The following ZNF48 variants were observed in gnomAD, a reference collection of about 807,000 sequenced individuals.
ZNF48 encodes the protein zinc finger protein 48, also known as zinc finger protein 553.
Under a neutral mutation model 40.0 loss-of-function variants are expected in ZNF48, and 20 were observed. The observed-to-expected ratio is 0.50, with a 90% confidence interval of 0.35 to 0.73. ZNF48 has a LOEUF of 0.73. ZNF48 is among the 30% of genes least tolerant of loss of function. The pLI is 0.01. For missense variants in ZNF48, 726 were observed against 851.9 expected (o/e 0.85, Z 1.84); for synonymous variants, 298 against 329.7 (o/e 0.90, Z 1.04).
chr16:30,398,070 C>G lies in ZNF48; in HGVS notation c.820C>G (p.Pro274Ala). Residue 274 changes from proline to alanine, a missense_variant, in exon 3 of 3, where the codon CCA becomes GCA. Physicochemically the swap from Pro to Ala is conservative, Grantham distance 27. This residue lies in a region of ZNF48 where 378 missense variants were observed against 449.1 expected (regional missense o/e 0.84). Transcript: ENST00000613509. This position sits in a 1 kb window ranked among gnomAD's most constrained non-coding sequence, Gnocchi z 6.6. ...CCAGGGACCGAAGGCCCAGGACAAG[C>G]CATATATCTGCACTGATTGCGGCAA... The part of the protein sequence containing the change: ...ATQGPKAQDK[P>A]YICTDCGKRF... 2 of 1,613,104 alleles carry G rather than the reference C, an allele frequency of 1.2e-6. No homozygotes were observed. The highest frequency in any genetic ancestry group is 1.7e-6 in the Non-Finnish European group (2 of 1,179,444).
In ZNF48 at chr16:30,382,677, C is replaced by T; in HGVS notation, c.-16+4267C>T. The T allele has an allele frequency of 2.3e-5, 35 of 1,533,372 alleles. No individual in the cohort carries two copies. Among genetic ancestry groups the T allele is most frequent in the Non-Finnish European group, 3.0e-5 (34 of 1,141,972 alleles). The allele number at this position is 1,533,372 out of a possible 1,614,324, so 95.0% of individuals were successfully genotyped here. A position where few individuals can be genotyped will look rare whatever the true frequency, so the allele number is the denominator to read the frequency against. ...CCAGAGAGGTGGGGAAGGCCAAGGC[C>T]AAGAACACTTGGGGTTGCCACCTCC... On this transcript the variant is annotated intron_variant, in intron 1 of 2. Transcript: ENST00000528032. This position sits in a 1 kb window ranked among gnomAD's most constrained non-coding sequence, Gnocchi z 4.8.
In ZNF48 at chr16:30,398,894, T is replaced by C. The variant is rs1425510297; in HGVS notation, c.1644T>C (p.Cys548=). Residue 548 remains cysteine, a synonymous_variant, in exon 3 of 3, where the codon TGT becomes TGC. Transcript: ENST00000613509. This position sits in a 1 kb window ranked among gnomAD's most constrained non-coding sequence, Gnocchi z 6.6. ...GCCAGCCCCACGTGTGTGGCTTCTGTGGGAAGGAGTTCCCCCGGAGCTCAG... is the reference window on the plus strand; with the variant it reads ...GCCAGCCCCACGTGTGTGGCTTCTGCGGGAAGGAGTTCCCCCGGAGCTCAG... ...GPSQPHVCGF[C]GKEFPRSSDL... is the part of the protein sequence containing the mutation. 1 of 1,613,746 alleles carries C rather than the reference T, an allele frequency of 6.2e-7. No individual in the cohort carries two copies. Among genetic ancestry groups the C allele is most frequent in the Non-Finnish European group, 8.5e-7 (1 of 1,179,888 alleles).
intron 1 of ZNF48, among the ~76,000 whole-genome samples, chr16:30,385,180 AATAATAAT>A (rs2049891282): frequency 2.3e-4 from 1 of 4,258 alleles, no homozygotes; most frequent in Non-Finnish European, 1.9e-3. Context: ...TTTCTCAAAT[AATAATAAT>A]AATAATAATA....
chr16:30,379,156 A>G lies in ZNF48; in HGVS notation c.-16+746A>G, dbSNP rs1263297835. 4.3e-6 allele frequency: 7 copies of G among 1,614,016 alleles called. No homozygotes were observed. The Admixed American group carries it at 1.2e-4, about 27-fold the overall frequency. On this transcript the variant is annotated intron_variant, in intron 1 of 2. Coordinates refer to the ZNF48 transcript ENST00000528032. ...CTGCACCAGCATCCGTCGCAGGTTC[A>G]GGAAATCGCAGTGATGTGGGTTCTC...
chr16:30,386,939 C>CTTTTT (rs1173887858), intron 1 of ZNF48, among the ~76,000 whole-genome samples: 6 of 107,620 alleles, frequency 5.6e-5, no homozygotes, highest in South Asian at 3.1e-4. Flanking sequence ...TGCACCTGGC[C>CTTTTT]TTTTTTTTTT....
chr16:30,396,240 C>A (rs1031985025), intron 2 of ZNF48, among the ~76,000 whole-genome samples: 7 of 152,146 alleles, frequency 4.6e-5, no homozygotes, highest in African/African-American at 7.2e-5. Context: ...CCTTCCCTAG[C>A]GTCCCCCAGT....
chr16:30,396,288 C>T (rs1250016921), intron 2 of ZNF48, among the ~76,000 whole-genome samples: 3 of 152,182 alleles, frequency 2.0e-5, no homozygotes, highest in African/African-American at 7.2e-5. Flanking sequence ...CCAATCCAAA[C>T]CGTGCGTGCT....
chr16:30,398,382 C>T lies in ZNF48; in HGVS notation c.1132C>T (p.Arg378Cys), dbSNP rs1320783498. ...FSLSSTLLRH[R>C]LTHMEPQDFS... The stretch of plus-strand genomic sequence containing the variant: ...CCTCAGCTCCACCCTTCTTCGCCAC[C>T]GCCTCACTCACATGGAGCCCCAGGA... Residue 378 changes from arginine (R) to cysteine (C), a missense_variant, in exon 3 of 3, where the codon CGC (arginine) becomes TGC (cysteine). Arg to Cys is a radical substitution (Grantham distance 180, BLOSUM62 -3). Coordinates refer to ENST00000613509, the MANE Select transcript of ZNF48 (RefSeq NM_001214909.2). This position sits in a 1 kb window ranked among gnomAD's most constrained non-coding sequence, Gnocchi z 6.6. 11 of 1,612,634 alleles carry T rather than the reference C, an allele frequency of 6.8e-6. No individual in the cohort carries two copies. Among genetic ancestry groups the T allele is most frequent in the South Asian group, 3.3e-5 (3 of 91,000 alleles).
At chr16:30,378,861 A>AGGGAGAGG (rs1567422693) in intron 1 of ZNF48, among the ~76,000 whole-genome samples, 3 of 86,910 alleles carry the variant, frequency 3.5e-5, no homozygotes, top group South Asian at 4.4e-4. Context: ...AGGGGGAGAG[A>AGGGAGAGG]GGGAGAGACG....
rs1310464534 is a variant in ZNF48 at position 30,399,411 on chromosome 16, A to G, written c.*304A>G. 1.5e-5 allele frequency: 4 copies of G among 265,314 alleles called. No homozygotes were observed. The highest frequency in any genetic ancestry group is 1.4e-5 in the Non-Finnish European group (2 of 139,132). The allele number at this position is 265,314 out of a possible 1,614,324, so 16.4% of individuals were successfully genotyped here. ...CTTTCACCTAAGGACTCAACCCTAA[A>G]TTCCTGCTGCCTCATCTGTTAAGAA... On this transcript the variant is annotated 3_prime_UTR_variant, in exon 3 of 3. Coordinates refer to ENST00000613509, the MANE Select transcript of ZNF48 (RefSeq NM_001214909.2).
At chr16:30,396,999 C>T (rs1294640496) in intron 2 of ZNF48, among the ~76,000 whole-genome samples, 1 of 152,054 alleles carries the variant, frequency 6.6e-6, no homozygotes, top group Non-Finnish European at 1.5e-5. Context: ...CCTGGCTTTG[C>T]TACTTTCTAA....
chr16:30,384,856 C>T (rs1441504759), intron 1 of ZNF48, among the ~76,000 whole-genome samples: 2 of 149,038 alleles, frequency 1.3e-5, no homozygotes, highest in Admixed American at 6.7e-5. Context: ...CCAGCCTGGG[C>T]GACAGGGCAA....
intron 1 of ZNF48, chr16:30,378,607 C>A: frequency 6.2e-7 from 1 of 1,611,498 alleles, no homozygotes. Context: ...GGTGCGTGCT[C>A]ACCTCTTCGT....
At position 30,382,808 on chromosome 16, in the gene ZNF48, G is replaced by T; in HGVS notation, c.-16+4398G>T. 6.5e-7 allele frequency: 1 copy of T among 1,534,510 alleles called. No homozygotes were observed. The stretch of plus-strand genomic sequence containing the variant: ...CTCCATCATCGTGGTGAGACATGGG[G>T]TATGTGCAGAGAGGAAGGAAGTGGC... On this transcript the variant is annotated intron_variant, in intron 1 of 2. Transcript: ENST00000528032. The surrounding 1 kb of genome is among the most constrained non-coding windows in gnomAD (Gnocchi z 4.8).
Position 30,379,308 on chromosome 16 carries a change from G to A in ZNF48, c.-16+898G>A, listed in dbSNP as rs571090118. The A allele has an allele frequency of 7.0e-5, 101 of 1,444,408 alleles. No individual in the cohort carries two copies. The South Asian group carries it at 1.1e-3, about 15-fold the overall frequency. The allele number at this position is 1,444,408 out of a possible 1,614,324, so 89.5% of individuals were successfully genotyped here. On this transcript the variant is annotated intron_variant, in intron 1 of 2. Transcript: ENST00000528032. Reference sequence around the variant, plus strand: ...CGGAGGGTCCGCGGTCTGCAGCCCAGCGACCCCCCTTTCCTCCTAGGATCC... The same window carrying A: ...CGGAGGGTCCGCGGTCTGCAGCCCAACGACCCCCCTTTCCTCCTAGGATCC...
chr16:30,398,484 C>A lies in ZNF48; in HGVS notation c.1234C>A (p.Leu412Met). Residue 412 changes from leucine to methionine, a missense_variant, in exon 3 of 3, where the codon CTG (leucine) becomes ATG (methionine). Physicochemically the swap from Leu to Met is conservative, Grantham distance 15 (BLOSUM62 2). Coordinates refer to ENST00000613509, the MANE Select transcript of ZNF48 (RefSeq NM_001214909.2). This position sits in a 1 kb window ranked among gnomAD's most constrained non-coding sequence, Gnocchi z 6.6. ...PPPPLGTSPP[L>M]TPRSPSHSGE... Reference sequence around the variant, plus strand: ...ACCTCCTCTGGGCACCAGCCCCCCGCTGACACCTCGAAGTCCCTCACACTC... The same window carrying A: ...ACCTCCTCTGGGCACCAGCCCCCCGATGACACCTCGAAGTCCCTCACACTC... 6.3e-7 allele frequency: 1 copy of A among 1,587,426 alleles called. No homozygotes were observed.
chr16:30,389,307 C>A lies in ZNF48; in HGVS notation c.-15-6473C>A, dbSNP rs578254339. 8.6e-4 allele frequency among the ~76,000 whole-genome samples: 130 copies of A among 151,628 alleles called. 2 individuals carry two copies. The South Asian group carries it at 0.019, about 23-fold the overall frequency. ...TCGGGAGGCTGAGGCAGGAGAATGG[C>A]GTGAACCCGGGAGGTGTAGCTTGCA... On this transcript the variant is annotated intron_variant, in intron 1 of 2. Coordinates refer to the ZNF48 transcript ENST00000528032.
At chr16:30,385,749 C>A (rs2049896219) in intron 1 of ZNF48, among the ~76,000 whole-genome samples, 1 of 152,120 alleles carries the variant, frequency 6.6e-6, no homozygotes, top group Non-Finnish European at 1.5e-5. Context: ...ACTCTCCATG[C>A]CATTAACCTG....
rs754474839 is a variant in ZNF48, at chr16:30,382,058, G to A, written c.-16+3648G>A. 1.3e-6 allele frequency: 2 copies of A among 1,581,608 alleles called. No individual in the cohort carries two copies. Among genetic ancestry groups the A allele is most frequent in the African/African-American group, 1.3e-5 (1 of 74,156 alleles). ...AGACTAGGGTGTAACCTGGGGACAG[G>A]GGCTACTGCCTCAAGAGGGTGGGGA... On this transcript the variant is annotated intron_variant, in intron 1 of 2. Coordinates refer to the ZNF48 transcript ENST00000528032. The surrounding 1 kb of genome is among the most constrained non-coding windows in gnomAD (Gnocchi z 4.8).
Sources: allele counts gnomAD v4.1 joint callset (sites outside exome capture counted in the v4.1 genomes callset), GRCh38; gene constraint gnomAD v4.1.1; regional missense constraint gnomAD v4.1.1; non-coding constraint Gnocchi (gnomAD v3.1); transcripts MANE v1.5; gene names NCBI Gene and HGNC (gene_info 2026-07-23, HGNC 2026-07-21).